Variants in CFAP47 observed in about 807,000 individuals in gnomAD.
CFAP47 encodes cilia- and flagella-associated protein 47.
Under a neutral mutation model 148.1 loss-of-function variants are expected in CFAP47, and 29 were observed. The ratio of observed to expected loss-of-function variants is 0.20; its 90% CI spans 0.15 to 0.27. The LOEUF (loss-of-function observed/expected upper bound fraction) is 0.27, where lower values mean the gene tolerates loss of function less well. Among genes scored for constraint, CFAP47 ranks in the 10% least tolerant of loss-of-function variants. The probability of loss-of-function intolerance (pLI) is 1.00; values close to 1 mark genes in which losing one functional copy is unlikely to be tolerated. For missense variants in CFAP47, 1,872 were observed against 1,697.5 expected (o/e 1.10, Z -1.81); for synonymous variants, 664 against 577.3 (o/e 1.15, Z -2.15).
intron 26 of CFAP47, among the ~76,000 whole-genome samples, chrX:36,050,161 G>T (rs1264063639): frequency 9.0e-6 from 1 of 111,325 alleles, no homozygotes; most frequent in Admixed American, 9.6e-5. Flanking sequence ...ACGGTAAATT[G>T]GTACCACAGA....
At chrX:36,359,146 T>G (rs1941807963) in intron 60 of CFAP47, among the ~76,000 whole-genome samples, 1 of 112,137 alleles carries the variant, frequency 8.9e-6, no homozygotes, top group Non-Finnish European at 1.9e-5. Flanking sequence ...AAAAACATTA[T>G]GTTTTTAATG....
Position 35,926,103 on chromosome X carries a change from C to T in CFAP47, c.336C>T (p.Asp112=), listed in dbSNP as rs201185919. 45 of 1,203,270 alleles carry T rather than the reference C, an allele frequency of 3.7e-5. No homozygotes were observed. The highest frequency in any genetic ancestry group is 2.4e-4 in the East Asian group (8 of 33,691). ...TGGTGGAATATCATCCTGATAAAGA[C>T]GAAGACACTTTTGACCGGCTACTTA... ...TAMVEYHPDK[D]EDTFDRLLIS... The change falls in exon 2 of 64, where the codon GAC becomes GAT. Residue 112 remains aspartate, a synonymous_variant. Coordinates refer to ENST00000378653, the MANE Select transcript of CFAP47 (RefSeq NM_001304548.2).
At chrX:36,030,927 A>G (rs6632462) in intron 22 of CFAP47, among the ~76,000 whole-genome samples, 4 of 109,997 alleles carry the variant, frequency 3.6e-5, no homozygotes, top group East Asian at 2.9e-4. Context: ...GTGTTGTTCA[A>G]ACTCTAGTGT....
chrX:36,217,169 T>C (rs1218789098), intron 45 of CFAP47, among the ~76,000 whole-genome samples: 1 of 112,131 alleles, frequency 8.9e-6, no homozygotes, highest in Non-Finnish European at 1.9e-5. Flanking sequence ...TCAGTATTAA[T>C]TTTTGCAAAG....
intron 15 of CFAP47, among the ~76,000 whole-genome samples, chrX:35,982,040 G>T (rs1326579176): frequency 8.9e-6 from 1 of 111,927 alleles, no homozygotes; most frequent in Admixed American, 9.5e-5. Flanking sequence ...CCAATAATGG[G>T]ATTGCTGGGT....
intron 37 of CFAP47, among the ~76,000 whole-genome samples, chrX:36,157,593 T>C (rs2087928882): frequency 9.0e-6 from 1 of 111,409 alleles, no homozygotes; most frequent in Non-Finnish European, 1.9e-5. Flanking sequence ...ACAGCACATA[T>C]ATAATTTGTA....
At chrX:35,961,071 A>G (rs1410231749) in intron 8 of CFAP47, among the ~76,000 whole-genome samples, 1 of 111,261 alleles carries the variant, frequency 9.0e-6, no homozygotes, top group Non-Finnish European at 1.9e-5. Flanking sequence ...ATGGAAGTGT[A>G]TTTTGTCAAC....
rs149807378 is a variant in CFAP47 at position 35,989,515 on chromosome X, G to A, written c.2844+66G>A. On this transcript the variant is annotated intron_variant, in intron 16 of 63. Transcript: ENST00000378653. The stretch of plus-strand genomic sequence containing the variant: ...ATGAATTTGTTGGGTATACACTGGT[G>A]TATATAGTTACCTATATCTAGAATT... 2.4e-5 allele frequency: 29 copies of A among 1,207,405 alleles called. No homozygotes were observed. The African/African-American group carries it at 4.7e-4, about 20-fold the overall frequency.
At chrX:36,102,093 A>G (rs1026796341) in intron 32 of CFAP47, among the ~76,000 whole-genome samples, 3 of 111,884 alleles carry the variant, frequency 2.7e-5, no homozygotes, top group African/African-American at 9.7e-5. Context: ...CAATGTATTG[A>G]CTTTAAAGGG....
At chrX:36,232,399 G>A (rs1301640051) in intron 46 of CFAP47, among the ~76,000 whole-genome samples, 15 of 111,703 alleles carry the variant, frequency 1.3e-4, no homozygotes, top group South Asian at 3.7e-4. Flanking sequence ...GTTTATTTGC[G>A]TAGAGGTGTT....
At chrX:36,145,411 A>G in intron 36 of CFAP47, 58 bp downstream of exon 36, 1 of 291,747 alleles carries the variant, frequency 3.4e-6, no homozygotes, top group Non-Finnish European at 6.0e-6. Flanking sequence ...GAGAGGTTTT[A>G]GATATTTCTT....
chrX:36,005,276 G>A (rs1283536337), intron 21 of CFAP47, among the ~76,000 whole-genome samples: 2 of 110,291 alleles, frequency 1.8e-5, no homozygotes, highest in East Asian at 2.8e-4. Context: ...GAAATGTTAG[G>A]GCATTGATTT....
intron 29 of CFAP47, among the ~76,000 whole-genome samples, chrX:36,077,183 CTTTTTTTTTTTTTTTTTTTTTTTTTTT>C (rs776287161): frequency 4.8e-5 from 1 of 20,995 alleles, no homozygotes; most frequent in Non-Finnish European, 9.2e-5. Context: ...GCGCCTCCAG[CTTTTTTTTTTTTTTTTTTTTTTTTTTT>C]TTTTTTTTTT....
At chrX:36,090,218 A>G in intron 30 of CFAP47, among the ~76,000 whole-genome samples, 2 of 112,124 alleles carry the variant, frequency 1.8e-5, no homozygotes, top group Middle Eastern at 4.6e-3. Context: ...TTTGGTCCTC[A>G]ATAATTGATT....
chrX:36,318,935 A>C (rs111246687), intron 56 of CFAP47, among the ~76,000 whole-genome samples: 84 of 111,729 alleles, frequency 7.5e-4, no homozygotes, highest in African/African-American at 2.4e-3. Context: ...CAGACTCCCC[A>C]GTAGCTGGAA....
chrX:35,982,842 G>A (rs1277708805), intron 15 of CFAP47, among the ~76,000 whole-genome samples: 1 of 111,565 alleles, frequency 9.0e-6, no homozygotes, highest in Admixed American at 9.5e-5. Flanking sequence ...CCAGTACCAA[G>A]CTGTCTTCAT....
At chrX:36,329,499 A>C (rs1360713787) in intron 57 of CFAP47, among the ~76,000 whole-genome samples, 1 of 112,009 alleles carries the variant, frequency 8.9e-6, no homozygotes, top group Non-Finnish European at 1.9e-5. Context: ...GAAATGAAAG[A>C]ACAGCAGTGG....
chrX:36,257,569 G>A (rs1280837175), intron 49 of CFAP47, among the ~76,000 whole-genome samples: 1 of 110,088 alleles, frequency 9.1e-6, no homozygotes, highest in Non-Finnish European at 1.9e-5. Context: ...GACAACAGTT[G>A]TGTACCACCA....
chrX:35,927,619 A>G (rs189955578), intron 2 of CFAP47, among the ~76,000 whole-genome samples: 3,917 of 106,072 alleles, frequency 0.037, 179 homozygotes, highest in African/African-American at 0.13. Context: ...GTGTGTGTGT[A>G]TGTGTGTGTG....
Sources: allele counts gnomAD v4.1 joint callset (sites outside exome capture counted in the v4.1 genomes callset), GRCh38; gene constraint gnomAD v4.1.1; transcripts MANE v1.5; gene names NCBI Gene and HGNC (gene_info 2026-07-23, HGNC 2026-07-21).